Variants in PER3 observed in about 807,000 individuals in gnomAD.
PER3 encodes period circadian regulator 3, also known as period circadian protein homolog 3.
Under a neutral mutation model 127.2 loss-of-function variants are expected in PER3, and 107 were observed. That is an observed-to-expected ratio of 0.84 (90% confidence interval 0.72 to 0.99). The LOEUF (loss-of-function observed/expected upper bound fraction) is 0.99, where lower values mean the gene tolerates loss of function less well. PER3 is among the 50% of genes least tolerant of loss of function. The pLI is 0.00. For missense variants in PER3, 1,560 were observed against 1,525.8 expected (o/e 1.02, Z -0.37); for synonymous variants, 618 against 585.8 (o/e 1.05, Z -0.79).
intron 21 of PER3, among the ~76,000 whole-genome samples, chr1:7,838,699 C>G (rs1264821191): frequency 4.6e-5 from 7 of 152,222 alleles, no homozygotes; most frequent in Admixed American, 4.6e-4. Context: ...ATGAATTTGA[C>G]TACTCTGCAC....
Position 7,820,528 on chromosome 1 carries a change from C to T in PER3, c.1845C>T (p.Asp615=). 6.2e-7 allele frequency: 1 copy of T among 1,614,058 alleles called. No individual in the cohort carries two copies. The highest frequency in any genetic ancestry group is 8.5e-7 in the Non-Finnish European group (1 of 1,179,936). ...TGCCAACAAATGGACGGTCCATAGA[C>T]ACAGGAGGAGGAGCTCCACAGATCC... ...SEMPTNGRSI[D]TGGGAPQILS... The change falls in exon 16 of 22, where the codon GAC becomes GAT. Residue 615 remains aspartate, a synonymous_variant. Transcript: ENST00000377532.
Position 7,844,808 on chromosome 1 carries a change from C to T in PER3, c.*2053C>T, listed in dbSNP as rs943213247. The T allele has an allele frequency of 3.3e-5, 5 of 152,590 alleles. No homozygotes were observed. Among genetic ancestry groups the T allele is most frequent in the Non-Finnish European group, 4.4e-5 (3 of 68,038 alleles). 9.5% of individuals were successfully genotyped at this position (152,590 alleles called of 1,614,324 possible). A position where few individuals can be genotyped will look rare whatever the true frequency, so the allele number is the denominator to read the frequency against. ...GTTCAGCAGCTTGACCGATGCCCCC[C>T]GAGGGGGCTCTCCCCAGCTTAAACT... On this transcript the variant is annotated 3_prime_UTR_variant, in exon 22 of 22. Coordinates refer to ENST00000377532, the MANE Select transcript of PER3 (RefSeq NM_001377275.1).
In PER3 at chr1:7,784,648, C is replaced by T. The variant is rs139771164; in HGVS notation, c.-224-6C>T. ...GTCCCTTGTCACCCTTGTCTCCTCCCCCTAGGCCGGAGTCCTGAAAGTCGA... is the reference window on the plus strand; with the variant it reads ...GTCCCTTGTCACCCTTGTCTCCTCCTCCTAGGCCGGAGTCCTGAAAGTCGA... On this transcript the variant is annotated splice_region_variant and splice_polypyrimidine_tract_variant and intron_variant, in intron 1 of 21. Coordinates refer to ENST00000377532, the MANE Select transcript of PER3 (RefSeq NM_001377275.1). 903 of 444,648 alleles carry T rather than the reference C, an allele frequency of 2.0e-3. 11 individuals are homozygous for T. The highest frequency in any genetic ancestry group is 0.017 in the African/African-American group (802 of 48,378). The allele number at this position is 444,648 out of a possible 1,614,324, so 27.5% of individuals were successfully genotyped here.
chr1:7,820,460 C>A lies in PER3; in HGVS notation c.1784-7C>A, dbSNP rs1021299170. On this transcript the variant is annotated splice_polypyrimidine_tract_variant and splice_region_variant and intron_variant, in intron 15 of 21. Transcript: ENST00000377532. ...CTTTTCACTGTCAGTTTCTCTTACACCACCAGCTGGTTTGCAAATCCCAGC... is the reference window on the plus strand; with the variant it reads ...CTTTTCACTGTCAGTTTCTCTTACAACACCAGCTGGTTTGCAAATCCCAGC... 2.5e-6 allele frequency: 4 copies of A among 1,606,440 alleles called. No homozygotes were observed. The highest frequency in any genetic ancestry group is 3.4e-6 in the Non-Finnish European group (4 of 1,176,458).
At chr1:7,810,669 C>A in intron 13 of PER3, 81 bp downstream of exon 13, 2 of 1,346,768 alleles carry the variant, frequency 1.5e-6, no homozygotes, top group Non-Finnish European at 2.0e-6. Context: ...GATTCGTGAG[C>A]ATAAAGTCAT....
intron 13 of PER3, among the ~76,000 whole-genome samples, chr1:7,817,418 C>T (rs2097256453): frequency 6.6e-6 from 1 of 152,224 alleles, no homozygotes; most frequent in Admixed American, 6.5e-5. Context: ...CTTTGGAAAA[C>T]AGTGCTTCAA....
intron 16 of PER3, among the ~76,000 whole-genome samples, chr1:7,821,382 GA>G (rs1206013663): frequency 6.6e-6 from 1 of 152,216 alleles, no homozygotes; most frequent in Non-Finnish European, 1.5e-5. Context: ...AACAACCTGT[GA>G]GATGGAGAGT....
chr1:7,795,193 G>A (rs1015463602), intron 6 of PER3, among the ~76,000 whole-genome samples: 1 of 152,186 alleles, frequency 6.6e-6, no homozygotes, highest in African/African-American at 2.4e-5. Context: ...TCTTAGAACA[G>A]TTCCTGCCTC....
chr1:7,828,221 G>A (rs747982587), intron 18 of PER3, among the ~76,000 whole-genome samples: 1 of 152,216 alleles, frequency 6.6e-6, no homozygotes, highest in Non-Finnish European at 1.5e-5. Flanking sequence ...ACAATTTAAC[G>A]ATTGTACTTC....
chr1:7,839,215 C>T (rs560532346), intron 21 of PER3, among the ~76,000 whole-genome samples: 6 of 152,264 alleles, frequency 3.9e-5, no homozygotes, highest in Non-Finnish European at 7.3e-5. Flanking sequence ...TACAAAAACT[C>T]GCTTCTGTAG....
intron 8 of PER3, 108 bp from the exon 9 acceptor site, chr1:7,802,939 C>T (rs1023459575): frequency 4.0e-6 from 3 of 743,098 alleles, no homozygotes; most frequent in Middle Eastern, 2.6e-4. Context: ...AGATAAACAG[C>T]TTTGCATAAA....
At chr1:7,821,888 C>T (rs2097278422) in intron 16 of PER3, among the ~76,000 whole-genome samples, 1 of 152,200 alleles carries the variant, frequency 6.6e-6, no homozygotes, top group African/African-American at 2.4e-5. Flanking sequence ...CATCCTGACT[C>T]AGATGAGTTG....
intron 20 of PER3, among the ~76,000 whole-genome samples, 193 bp downstream of exon 20, chr1:7,836,138 T>C (rs372633986): frequency 1.3e-5 from 2 of 151,950 alleles, no homozygotes; most frequent in African/African-American, 2.4e-5. Flanking sequence ...GCTGGAATTA[T>C]AGATGTGCAC....
intron 19 of PER3, among the ~76,000 whole-genome samples, chr1:7,830,774 A>G (rs1249336161): frequency 6.6e-6 from 1 of 152,190 alleles, no homozygotes; most frequent in Non-Finnish European, 1.5e-5. Context: ...GTTGAAAATA[A>G]CTTGACCATA....
At chr1:7,840,035 A>T (rs1439736160) in intron 21 of PER3, among the ~76,000 whole-genome samples, 1 of 151,970 alleles carries the variant, frequency 6.6e-6, no homozygotes, top group African/African-American at 2.4e-5. Flanking sequence ...ATGGTTTCCC[A>T]CATGTCCTCC....
At position 7,803,161 on chromosome 1, in the gene PER3, C is replaced by A; in HGVS notation, c.979+8C>A. 6.7e-7 allele frequency: 1 copy of A among 1,481,624 alleles called. No homozygotes were observed. Among genetic ancestry groups the A allele is most frequent in the Non-Finnish European group, 9.4e-7 (1 of 1,059,090 alleles). The allele number at this position is 1,481,624 out of a possible 1,614,324, so 91.8% of individuals were successfully genotyped here. A position where few individuals can be genotyped will look rare whatever the true frequency, so the allele number is the denominator to read the frequency against. ...TTGCCATACACCAAAAAGGTCAGGA[C>A]CTACTCCTTTATAGGAGGAAATATT... On this transcript the variant is annotated splice_region_variant and intron_variant, in intron 9 of 21. Transcript: ENST00000377532.
intron 2 of PER3, among the ~76,000 whole-genome samples, 180 bp downstream of exon 2, chr1:7,785,185 A>T (rs2097080909): frequency 6.6e-6 from 1 of 152,240 alleles, no homozygotes; most frequent in Admixed American, 6.5e-5. Context: ...ACCGAAGAGT[A>T]TCAGGAGGGA....
intron 20 of PER3, 92 bp from the exon 21 acceptor site, chr1:7,836,907 T>G: frequency 1.1e-6 from 1 of 944,772 alleles, no homozygotes; most frequent in South Asian, 1.7e-5. Context: ...TAAGGTGTAT[T>G]ACCAACCAAG....
chr1:7,784,787 A>G lies in PER3; in HGVS notation c.-91A>G. On this transcript the variant is annotated 5_prime_UTR_variant, in exon 2 of 22. Transcript: ENST00000377532. ...TAACGCCATGGCGGGGACCGGAGTG[A>G]GAAACCGGTGTCTGTCACTGACTGC... 7.6e-7 allele frequency: 1 copy of G among 1,309,956 alleles called. No homozygotes were observed. Among genetic ancestry groups the G allele is most frequent in the Non-Finnish European group, 9.8e-7 (1 of 1,017,300 alleles). 81.1% of individuals were successfully genotyped at this position (1,309,956 alleles called of 1,614,324 possible). A position where few individuals can be genotyped will look rare whatever the true frequency, so the allele number is the denominator to read the frequency against.
Sources: gnomAD v4.1 joint callset for allele counts (sites outside exome capture counted in the v4.1 genomes callset) on GRCh38, gnomAD v4.1.1 for gene constraint, MANE v1.5 for transcripts, NCBI Gene and HGNC (gene_info 2026-07-23, HGNC 2026-07-21) for gene names.